ZNF253: variants seen among roughly 807,000 people sequenced by gnomAD.
ZNF253 encodes the protein zinc finger protein 253, also known as DNA-binding protein.
Under a neutral mutation model 11.9 loss-of-function variants are expected in ZNF253, and 8 were observed. The ratio of observed to expected loss-of-function variants is 0.67; its 90% CI spans 0.40 to 1.22. The LOEUF is 1.22. Among genes scored for constraint, ZNF253 ranks in the 50% most tolerant of loss-of-function variants. ZNF253 has a pLI of 0.01. For missense variants in ZNF253, 485 were observed against 586.9 expected, an observed-to-expected ratio of 0.83 and a Z score of 1.79; for synonymous variants, 194 against 194.9, an observed-to-expected ratio of 1.00 and a Z score of 0.04.
intron 3 of ZNF253, among the ~76,000 whole-genome samples, chr19:19,882,218 A>G (rs979030439): frequency 1.3e-5 from 2 of 152,026 alleles, no homozygotes; most frequent in African/African-American, 4.8e-5. Flanking sequence ...AAGAAGAAGA[A>G]GCATTGACAA....
At chr19:19,867,777 A>G (rs757831447) in intron 1 of ZNF253, among the ~76,000 whole-genome samples, 2 of 152,242 alleles carry the variant, frequency 1.3e-5, no homozygotes, top group Non-Finnish European at 2.9e-5. Context: ...TTATAATACA[A>G]TAATTTATAT....
intron 3 of ZNF253, among the ~76,000 whole-genome samples, chr19:19,882,797 C>T (rs1000199579): frequency 1.3e-5 from 2 of 151,624 alleles, no homozygotes; most frequent in Non-Finnish European, 2.9e-5. Context: ...TAGTGAAACC[C>T]TGTTTCCACT....
chr19:19,871,951 T>C (rs771505178), intron 1 of ZNF253, among the ~76,000 whole-genome samples: 1 of 152,180 alleles, frequency 6.6e-6, no homozygotes. Context: ...TTTCCCTCTC[T>C]GGCTTCCAGT....
At chr19:19,876,007 G>C (rs1053930328) in intron 1 of ZNF253, among the ~76,000 whole-genome samples, 1 of 152,162 alleles carries the variant, frequency 6.6e-6, no homozygotes, top group Non-Finnish European at 1.5e-5. Flanking sequence ...AGACATTGCT[G>C]CTTTCTGTTT....
Position 19,891,731 on chromosome 19 carries a change from T to C in ZNF253, c.484T>C (p.Tyr162His), listed in dbSNP as rs753101396. The change falls in exon 4 of 4, where the codon TAT becomes CAT. Residue 162 changes from tyrosine to histidine, a missense_variant. Physicochemically the swap from Tyr to His is moderately conservative, Grantham distance 83. Around this residue, in one of 3 missense-constraint regions of ZNF253, gnomAD observed 218 missense variants for 213.1 expected, o/e 1.02. Transcript: ENST00000589717. ...VFHKFSNSNT[Y>H]KTRHTGINLF... ...TCATAAGTTTTCAAATTCAAACACA[T>C]ATAAGACAAGACATACTGGAATAAA... 16 of 1,614,090 alleles carry C rather than the reference T, an allele frequency of 9.9e-6. No homozygotes were observed. Among genetic ancestry groups the C allele is most frequent in the East Asian group, 2.2e-5 (1 of 44,866 alleles).
intron 3 of ZNF253, among the ~76,000 whole-genome samples, chr19:19,880,580 C>T (rs570952834): frequency 1.1e-4 from 16 of 152,100 alleles, no homozygotes; most frequent in Non-Finnish European, 1.8e-4. Context: ...TGGTGGGCAC[C>T]TGTAATCCCA....
intron 3 of ZNF253, among the ~76,000 whole-genome samples, chr19:19,880,927 C>T (rs980374029): frequency 3.3e-5 from 5 of 151,828 alleles, no homozygotes; most frequent in African/African-American, 1.2e-4. Context: ...ATAAAGTCTT[C>T]AAATATAGAT....
chr19:19,870,503 A>C (rs2063129735), intron 1 of ZNF253, among the ~76,000 whole-genome samples: 1 of 152,070 alleles, frequency 6.6e-6, no homozygotes. Flanking sequence ...GTTAGAGTAG[A>C]TATTAGTCTG....
intron 3 of ZNF253, among the ~76,000 whole-genome samples, chr19:19,880,407 T>C (rs574923150): frequency 2.7e-4 from 41 of 151,862 alleles, no homozygotes; most frequent in Non-Finnish European, 5.1e-4. Context: ...CTTCATGGCA[T>C]GTAAAAGGCT....
At chr19:19,888,681 A>G (rs988796951) in intron 3 of ZNF253, among the ~76,000 whole-genome samples, 2 of 152,022 alleles carry the variant, frequency 1.3e-5, no homozygotes, top group Admixed American at 6.5e-5. Context: ...GATGTTTATA[A>G]TAATTCCTCT....
rs1389592384 is a variant in ZNF253, at chr19:19,892,417, T to A, written c.1170T>A (p.His390Gln). 6.2e-7 allele frequency: 1 copy of A among 1,613,940 alleles called. No individual in the cohort carries two copies. The highest frequency in any genetic ancestry group is 8.5e-7 in the Non-Finnish European group (1 of 1,180,002). ...CCCTTTTTTCACATGAGAAAATTCA[T>A]ACTGGAGAGAAACCCTACAAATGTG... is the stretch of plus-strand genomic sequence containing the variant. ...STTLFSHEKI[H>Q]TGEKPYKCDE... The change falls in exon 4 of 4, where the codon CAT (histidine) becomes CAA (glutamine). Residue 390 changes from histidine (H) to glutamine (Q), a missense_variant. By Grantham distance (24) the His-to-Gln change is conservative. Around this residue, in one of 3 missense-constraint regions of ZNF253, gnomAD observed 232 missense variants for 321.4 expected, o/e 0.72. Transcript: ENST00000589717.
chr19:19,867,529 A>G (rs912185233), intron 1 of ZNF253, among the ~76,000 whole-genome samples: 4 of 151,894 alleles, frequency 2.6e-5, no homozygotes, highest in African/African-American at 4.8e-5. Context: ...CGCCTGGCCA[A>G]TTTTTCTCTT....
chr19:19,891,768 G>A lies in ZNF253; in HGVS notation c.521G>A (p.Cys174Tyr). 6.2e-7 allele frequency: 1 copy of A among 1,614,092 alleles called. No homozygotes were observed. Residue 174 changes from cysteine (C) to tyrosine (Y), a missense_variant, in exon 4 of 4, where the codon TGT becomes TAT. Cys to Tyr is a radical substitution (Grantham distance 194). Transcript: ENST00000589717. Reference protein sequence around the residue: ...TRHTGINLFKCIICGKAFKRS... With the variant: ...TRHTGINLFKYIICGKAFKRS... ...CATACTGGAATAAATCTTTTCAAAT[G>A]TATAATATGTGGCAAAGCTTTTAAA... is the stretch of plus-strand genomic sequence containing the variant.
At chr19:19,884,055 C>G (rs60940659) in intron 3 of ZNF253, among the ~76,000 whole-genome samples, 8,117 of 135,552 alleles carry the variant, frequency 0.06, 435 homozygotes, top group East Asian at 0.18. Context: ...GAAACTCCAT[C>G]TCAAAAAAAA....
chr19:19,869,660 C>CTT (rs35926309), intron 1 of ZNF253, among the ~76,000 whole-genome samples: 53 of 103,274 alleles, frequency 5.1e-4, no homozygotes, highest in East Asian at 9.8e-4. Context: ...CATGCCTGGC[C>CTT]TTTTTTTTTT....
At chr19:19,878,736 G>A in intron 2 of ZNF253, 129 bp downstream of exon 2, 1 of 952,216 alleles carries the variant, frequency 1.1e-6, no homozygotes, top group African/African-American at 1.7e-5. Context: ...ACTGCGCCTG[G>A]CCATATTTTA....
Position 19,880,104 on chromosome 19 carries a change from C to A in ZNF253, c.184C>A (p.Pro62Thr), listed in dbSNP as rs761847160. 5 of 1,608,908 alleles carry A rather than the reference C, an allele frequency of 3.1e-6. No homozygotes were observed. In the East Asian group the frequency reaches 1.1e-4, roughly 36 times the overall value. ...LVTCLEQGKK[P>T]LTMERHEMIA... ...TACCTGTCTGGAGCAAGGAAAAAAA[C>A]CTTTAACTATGGAAAGACATGAGAT... Residue 62 changes from proline (P) to threonine (T), a missense_variant, in exon 3 of 4, where the codon CCT becomes ACT. Physicochemically the swap from Pro to Thr is conservative, Grantham distance 38 (BLOSUM62 -1). Coordinates refer to ENST00000589717, the MANE Select transcript of ZNF253 (RefSeq NM_021047.3).
chr19:19,891,007 A>ATTTTTTTTTTTTTTTTTTTTTTTTTTTT (rs1568501169), intron 3 of ZNF253, among the ~76,000 whole-genome samples: 5 of 149,826 alleles, frequency 3.3e-5, no homozygotes, highest in African/African-American at 1.3e-4. Context: ...TGTCTGGCTA[A>ATTTTTTTTTTTTTTTTTTTTTTTTTTTT]TTTTTTGTAT....
chr19:19,877,654 C>T (rs572435053), intron 1 of ZNF253, among the ~76,000 whole-genome samples: 63 of 152,170 alleles, frequency 4.1e-4, no homozygotes, highest in African/African-American at 1.5e-3. Flanking sequence ...AAATTACAGG[C>T]GTGAGCCACC....
Sources: allele counts gnomAD v4.1 joint callset (sites outside exome capture counted in the v4.1 genomes callset), GRCh38; gene constraint gnomAD v4.1.1; regional missense constraint gnomAD v4.1.1; transcripts MANE v1.5; gene names NCBI Gene and HGNC (gene_info 2026-07-23, HGNC 2026-07-21).